SLC25A51: variants seen among roughly 807,000 people sequenced by gnomAD.
SLC25A51 encodes solute carrier family 25 member 51.
SLC25A51 carries 11 observed loss-of-function variants against 19.1 expected under a neutral mutation model. The ratio of observed to expected loss-of-function variants is 0.58; its 90% CI spans 0.36 to 0.96. SLC25A51 has a LOEUF of 0.96. Among genes scored for constraint, SLC25A51 ranks in the 40% least tolerant of loss-of-function variants. The probability of loss-of-function intolerance (pLI) is 0.01; values close to 1 mark genes in which losing one functional copy is unlikely to be tolerated. For missense variants in SLC25A51, 201 were observed against 365.4 expected (o/e 0.55, Z 3.67); for synonymous variants, 105 against 133.6 (o/e 0.79, Z 1.47).
Position 37,888,007 on chromosome 9 carries a change from G to T in SLC25A51, c.544C>A (p.Arg182=). 2 of 1,612,288 alleles carry T rather than the reference G, an allele frequency of 1.2e-6. No individual in the cohort carries two copies. The highest frequency in any genetic ancestry group is 8.5e-7 in the Non-Finnish European group (1 of 1,179,846). ...YYRGLVPILF[R]NGLSNVLFFG... ...AACAAGACATTGCTGAGTCCATTCC[G>T]GAAAAGAATGGGCACCAAGCCTCGA... The change falls in exon 3 of 3, where the codon CGG becomes AGG. Residue 182 remains arginine (R), a synonymous_variant. Transcript: ENST00000242275.
At chr9:37,884,339 T>C (rs1300245268), downstream of SLC25A51, among the ~76,000 whole-genome samples, 1 of 152,358 alleles carries the variant, frequency 6.6e-6, no homozygotes, top group Middle Eastern at 3.4e-3. Context: ...TATTACCTAC[T>C]TTTAGAATTC....
chr9:37,896,835 T>C (rs775656236), intron 2 of SLC25A51, among the ~76,000 whole-genome samples: 1 of 152,202 alleles, frequency 6.6e-6, no homozygotes, highest in African/African-American at 2.4e-5. Flanking sequence ...GTATTAACTT[T>C]GAATTTTTAG....
exon 4 of SLC25A51, chr9:37,880,297 G>T (rs1444306147): frequency 1.5e-5 from 2 of 136,582 alleles, no homozygotes; most frequent in South Asian, 2.4e-4. Context: ...TGGCGACAGA[G>T]ACCACGTCTC....
chr9:37,886,080 T>C (rs771476828), downstream of SLC25A51: 45 of 1,569,982 alleles, frequency 2.9e-5, no homozygotes, highest in Non-Finnish European at 3.9e-5. Flanking sequence ...TTTGGGACGG[T>C]GGATGCTGGA....
intron 2 of SLC25A51, among the ~76,000 whole-genome samples, chr9:37,899,258 T>A (rs1831790319): frequency 6.6e-6 from 1 of 152,266 alleles, no homozygotes; most frequent in African/African-American, 2.4e-5. Flanking sequence ...GATTACTCAC[T>A]CTTGCAATAT....
intron 1 of SLC25A51, among the ~76,000 whole-genome samples, chr9:37,903,105 T>A (rs1412260365): frequency 6.6e-6 from 1 of 152,220 alleles, no homozygotes; most frequent in East Asian, 1.9e-4. Context: ...TGTTTTCCCC[T>A]GAGATGCGCT....
At chr9:37,886,497 T>C, downstream of SLC25A51, 1 of 1,254,038 alleles carries the variant, frequency 8.0e-7, no homozygotes, top group African/African-American at 1.5e-5. Context: ...TGGCTGTGAC[T>C]GGGTGGGGCA....
At chr9:37,898,415 C>T (rs187509235) in intron 2 of SLC25A51, among the ~76,000 whole-genome samples, 11 of 152,270 alleles carry the variant, frequency 7.2e-5, no homozygotes, top group Non-Finnish European at 1.3e-4. Flanking sequence ...ATTAGCCAGG[C>T]GTGGTGGCGC....
chr9:37,903,759 A>T (rs1831909438), intron 1 of SLC25A51: 1 of 152,168 alleles, frequency 6.6e-6, no homozygotes, highest in African/African-American at 2.4e-5. Flanking sequence ...TGCACCAGGG[A>T]GGTGCCTCCC....
chr9:37,888,338 C>T lies in SLC25A51; in HGVS notation c.213G>A (p.Gln71=), dbSNP rs1191121010. The part of the protein sequence containing the change: ...YGIKTRDAIL[Q]LRRDGFRNLY... Reference sequence around the variant, plus strand: ...AATTTCGAAATCCATCCCTTCTCAACTGAAGTATTGCATCCCGGGTTTTGA... The same window carrying T: ...AATTTCGAAATCCATCCCTTCTCAATTGAAGTATTGCATCCCGGGTTTTGA... The change falls in exon 3 of 3, where the codon CAG becomes CAA. Residue 71 remains glutamine (Q), a synonymous_variant. Transcript: ENST00000242275. 11 of 1,614,140 alleles carry T rather than the reference C, an allele frequency of 6.8e-6. No homozygotes were observed. In the Admixed American group the frequency reaches 1.2e-4, roughly 17 times the overall value.
chr9:37,882,569 G>A (rs576588869), intron 2 of SLC25A51, among the ~76,000 whole-genome samples: 11 of 152,282 alleles, frequency 7.2e-5, no homozygotes, highest in Admixed American at 1.3e-4. Context: ...CGACTATTTA[G>A]ACAAATACAT....
downstream of SLC25A51, among the ~76,000 whole-genome samples, chr9:37,883,575 A>G (rs1004868385): frequency 1.3e-5 from 2 of 152,174 alleles, no homozygotes; most frequent in African/African-American, 2.4e-5. Flanking sequence ...CAAAGGCCCA[A>G]TGGTGTCTAT....
chr9:37,888,688 A>C, intron 2 of SLC25A51, 96 bp from the exon 3 acceptor site: 2 of 981,854 alleles, frequency 2.0e-6, no homozygotes, highest in Non-Finnish European at 3.0e-6. Flanking sequence ...TGGACACCAC[A>C]CTTTCCTTTT....
chr9:37,878,476 TA>T (rs199574498), downstream of SLC25A51: 4,984 of 199,752 alleles, frequency 0.025, 95 homozygotes, highest in Non-Finnish European at 0.036. Flanking sequence ...TTTGCCCACC[TA>T]AAGTGGAGAT....
intron 2 of SLC25A51, among the ~76,000 whole-genome samples, chr9:37,893,620 A>G (rs1831645529): frequency 6.6e-6 from 1 of 152,152 alleles, no homozygotes; most frequent in African/African-American, 2.4e-5. Flanking sequence ...AATTTGTTTC[A>G]CTGCCTTTTA....
At chr9:37,886,848 C>T (rs1831467632), downstream of SLC25A51, among the ~76,000 whole-genome samples, 1 of 152,156 alleles carries the variant, frequency 6.6e-6, no homozygotes, top group Admixed American at 6.5e-5. Context: ...GCCCTTCTGG[C>T]TTGGTTTATG....
downstream of SLC25A51, chr9:37,885,878 A>C (rs570037293): frequency 7.8e-4 from 1,221 of 1,569,082 alleles, 4 homozygotes; most frequent in Admixed American, 8.3e-3. Context: ...TGACGTGCAA[A>C]CCCCCCCCTC....
chr9:37,898,158 C>G lies in SLC25A51; in HGVS notation c.-43+1671G>C, dbSNP rs568847125. Among the ~76,000 whole-genome samples, 16 of 152,352 alleles carry G rather than the reference C, an allele frequency of 1.1e-4. No individual in the cohort carries two copies. The South Asian group carries it at 3.1e-3, about 30-fold the overall frequency. ...AGGAGCAGTAGTTTACACCTGTAAT[C>G]CCAGCACTCTGGGAGGCCGAAGCAG... On this transcript the variant is annotated intron_variant, in intron 2 of 2. Transcript: ENST00000242275.
At chr9:37,891,618 G>A (rs1199522677) in intron 2 of SLC25A51, among the ~76,000 whole-genome samples, 1 of 152,032 alleles carries the variant, frequency 6.6e-6, no homozygotes, top group South Asian at 2.1e-4. Context: ...GATTAAGGGC[G>A]GTGCAAGATG....
Sources: gnomAD v4.1 joint callset for allele counts (sites outside exome capture counted in the v4.1 genomes callset) on GRCh38, gnomAD v4.1.1 for gene constraint, MANE v1.5 for transcripts, NCBI Gene and HGNC (gene_info 2026-07-23, HGNC 2026-07-21) for gene names.